The following DENND1B variants were observed in gnomAD, a reference collection of about 807,000 sequenced individuals.
DENND1B encodes the protein DENN domain containing 1B, also known as DENN domain-containing protein 1B.
In DENND1B, 59 loss-of-function variants were observed where a neutral mutation model predicts 90.1. The observed-to-expected ratio is 0.65, with a 90% CI of 0.53 to 0.81. DENND1B has a LOEUF of 0.81. Ranked by LOEUF, DENND1B falls within the 40% of genes least tolerant of loss-of-function variation. The pLI, the probability that DENND1B is intolerant of heterozygous loss-of-function variation, is 0.00. For synonymous variants in DENND1B, 337 were observed against 324.6 expected (o/e 1.04, Z -0.41); for missense variants, 862 against 912.6 (o/e 0.94, Z 0.71).
chr1:197,626,947 C>T (rs537749624), intron 10 of DENND1B, among the ~76,000 whole-genome samples: 4 of 152,002 alleles, frequency 2.6e-5, no homozygotes, highest in Non-Finnish European at 2.9e-5. Context: ...ATAAATTCCT[C>T]GACACACACA....
intron 20 of DENND1B, among the ~76,000 whole-genome samples, chr1:197,534,249 C>T (rs577408678): frequency 1.3e-5 from 2 of 152,158 alleles, no homozygotes; most frequent in African/African-American, 4.8e-5. Flanking sequence ...ATTATTTCCA[C>T]TTGTACCTGT....
chr1:197,700,296 G>C (rs1028244748), intron 3 of DENND1B, among the ~76,000 whole-genome samples: 1 of 152,026 alleles, frequency 6.6e-6, no homozygotes, highest in Non-Finnish European at 1.5e-5. Flanking sequence ...ACAGAAAAGA[G>C]ACCTCAGAAA....
intron 2 of DENND1B, chr1:197,735,881 T>C: frequency 6.5e-7 from 1 of 1,548,304 alleles, no homozygotes; most frequent in Non-Finnish European, 8.9e-7. Flanking sequence ...AGGGGGCTAT[T>C]ACAGGTGCCT....
At chr1:197,685,394 C>A (rs993481709) in intron 3 of DENND1B, among the ~76,000 whole-genome samples, 8 of 152,198 alleles carry the variant, frequency 5.3e-5, no homozygotes, top group African/African-American at 9.6e-5. Flanking sequence ...ATACTTTCAG[C>A]AATTTTATTC....
chr1:197,588,838 T>G (rs897559162), intron 14 of DENND1B, among the ~76,000 whole-genome samples: 1 of 152,164 alleles, frequency 6.6e-6, no homozygotes, highest in African/African-American at 2.4e-5. Flanking sequence ...TTGTTGGCAC[T>G]TTAGCTAGAA....
intron 2 of DENND1B, among the ~76,000 whole-genome samples, chr1:197,727,128 A>C (rs1661711964): frequency 6.6e-6 from 1 of 152,234 alleles, no homozygotes; most frequent in South Asian, 2.1e-4. Context: ...ACTGGTAAAT[A>C]CAACACTGTG....
rs1257683507 is a variant in DENND1B at position 197,607,200 on chromosome 1, A to G, written c.820-26T>C. 2.8e-6 allele frequency: 4 copies of G among 1,438,210 alleles called. No homozygotes were observed. In the East Asian group the frequency reaches 9.3e-5, roughly 33 times the overall value. The allele number at this position is 1,438,210 out of a possible 1,614,324, so 89.1% of individuals were successfully genotyped here. A position where few individuals can be genotyped will look rare whatever the true frequency, so the allele number is the denominator to read the frequency against. ...CTATAAAAAAAACACAATTATGAAT[A>G]CAAATCAGTATATTTACTTTACAAA... On this transcript the variant is annotated intron_variant, in intron 12 of 22. Transcript: ENST00000620048.
rs1655173417 is a variant in DENND1B, at chr1:197,762,306, G to A, written c.82+10562C>T. On this transcript the variant is annotated intron_variant, in intron 2 of 22. Coordinates refer to ENST00000620048, the MANE Select transcript of DENND1B (RefSeq NM_001195215.2). ...TTTTGAGACGGAGTCTCGCTCTGTC[G>A]CCCAGGCTAGAGTGCAGTGGCACAA... Among the ~76,000 whole-genome samples the A allele has an allele frequency of 2.7e-5, 4 of 150,632 alleles. 1 individual carries two copies. The highest frequency in any genetic ancestry group is 4.2e-4 in the South Asian group (2 of 4,760).
chr1:197,676,854 A>T (rs985130488), intron 3 of DENND1B, among the ~76,000 whole-genome samples: 2 of 152,146 alleles, frequency 1.3e-5, no homozygotes, highest in Admixed American at 1.3e-4. Flanking sequence ...TCTAGTAATA[A>T]GCATTACAAT....
intron 20 of DENND1B, among the ~76,000 whole-genome samples, chr1:197,519,937 AAATTT>A (rs1265011475): frequency 2.2e-4 from 34 of 151,924 alleles, no homozygotes; most frequent in African/African-American, 8.2e-4. Context: ...CAAAAGCTGG[AAATTT>A]AAATTCAAGG....
intron 2 of DENND1B, chr1:197,734,676 T>A (rs1333307192): frequency 3.0e-6 from 3 of 984,894 alleles, no homozygotes; most frequent in Admixed American, 6.2e-5. Context: ...CAGACAGCAA[T>A]TAATGAAAGA....
rs533180318 is a variant in DENND1B, at chr1:197,741,839, C to T, written c.83-26765G>A. Among the ~76,000 whole-genome samples, 3 of 152,190 alleles carry T rather than the reference C, an allele frequency of 2.0e-5. 1 individual carries two copies. Among genetic ancestry groups the T allele is most frequent in the African/African-American group, 7.2e-5 (3 of 41,532 alleles). On this transcript the variant is annotated intron_variant, in intron 2 of 22. Transcript: ENST00000620048. The stretch of plus-strand genomic sequence containing the variant: ...ATGGTATGCAGAAAGGCAGAAAGAA[C>T]ATTAAACTTCATTTAGAGATTCGAT...
chr1:197,553,491 T>C (rs1036807246), intron 15 of DENND1B, among the ~76,000 whole-genome samples: 3 of 152,112 alleles, frequency 2.0e-5, no homozygotes, highest in Non-Finnish European at 2.9e-5. Context: ...CATTTACCCA[T>C]GGGGCTCTGT....
At chr1:197,619,666 C>T (rs1386890044) in intron 10 of DENND1B, among the ~76,000 whole-genome samples, 1 of 151,052 alleles carries the variant, frequency 6.6e-6, no homozygotes, top group Admixed American at 6.6e-5. Flanking sequence ...CTGGGCATAC[C>T]CAGAGTCCAA....
chr1:197,535,332 C>T (rs760730457), intron 20 of DENND1B, among the ~76,000 whole-genome samples: 6 of 152,094 alleles, frequency 3.9e-5, no homozygotes, highest in South Asian at 2.1e-4. Flanking sequence ...CCCTTACCCA[C>T]GGGGGATATG....
chr1:197,660,682 T>A (rs767131935), intron 5 of DENND1B, among the ~76,000 whole-genome samples: 8 of 151,966 alleles, frequency 5.3e-5, no homozygotes, highest in Non-Finnish European at 7.4e-5. Context: ...TCATCAAACC[T>A]CTCAACAGCA....
intron 11 of DENND1B, among the ~76,000 whole-genome samples, chr1:197,617,158 G>T (rs545319466): frequency 1.3e-5 from 2 of 150,970 alleles, no homozygotes; most frequent in South Asian, 2.1e-4. Flanking sequence ...CAAAAAACAA[G>T]AATTCTTGTA....
intron 10 of DENND1B, among the ~76,000 whole-genome samples, chr1:197,639,339 C>T (rs1031193691): frequency 3.3e-5 from 5 of 152,156 alleles, no homozygotes; most frequent in Admixed American, 1.3e-4. Context: ...GCTGGGATTA[C>T]AGGCGTGAGC....
chr1:197,537,444 A>G (rs1389018014), intron 20 of DENND1B, among the ~76,000 whole-genome samples: 1 of 152,130 alleles, frequency 6.6e-6, no homozygotes, highest in African/African-American at 2.4e-5. Context: ...CCATTATTCT[A>G]TAAGGTTTTC....
Sources: allele counts gnomAD v4.1 joint callset (sites outside exome capture counted in the v4.1 genomes callset), GRCh38; gene constraint gnomAD v4.1.1; transcripts MANE v1.5; gene names NCBI Gene and HGNC (gene_info 2026-07-23, HGNC 2026-07-21).